Variants in RIT2 observed in about 807,000 individuals in gnomAD.
RIT2 encodes the protein Ras like without CAAX 2.
A neutral mutation model predicts 23.7 loss-of-function variants in RIT2; 24 were observed. The ratio of observed to expected loss-of-function variants is 1.01; its 90% CI spans 0.73 to 1.43. The LOEUF (loss-of-function observed/expected upper bound fraction) is 1.43, where lower values mean the gene tolerates loss of function less well. Among genes scored for constraint, RIT2 ranks in the 40% most tolerant of loss-of-function variants. The pLI is 0.00. For synonymous variants in RIT2, 107 were observed against 91.1 expected, an observed-to-expected ratio of 1.17 and a Z score of -0.99; for missense variants, 236 against 266.9, an observed-to-expected ratio of 0.88 and a Z score of 0.81.
At chr18:43,000,043 C>T (rs999090909) in intron 2 of RIT2, among the ~76,000 whole-genome samples, 1 of 152,012 alleles carries the variant, frequency 6.6e-6, no homozygotes, top group Non-Finnish European at 1.5e-5. Flanking sequence ...CAGTTTGAAC[C>T]ATCACCACAC....
intron 4 of RIT2, among the ~76,000 whole-genome samples, chr18:42,872,379 C>T (rs181945865): frequency 4.3e-4 from 65 of 152,310 alleles, no homozygotes; most frequent in African/African-American, 1.5e-3. Context: ...CAGATTCAGA[C>T]ACCACCTCAT....
Position 42,939,725 on chromosome 18 carries a change from C to T in RIT2, c.235-15962G>A, listed in dbSNP as rs199834134. On this transcript the variant is annotated intron_variant, in intron 3 of 4. Coordinates refer to ENST00000326695, the MANE Select transcript of RIT2 (RefSeq NM_002930.4). ...GTAACATTAGTATTTATATCTAAAA[C>T]CTGGACTGCAAGCCTGATTACAAAC... Among the ~76,000 whole-genome samples the T allele has an allele frequency of 9.9e-5, 15 of 152,010 alleles. No individual in the cohort carries two copies. In the East Asian group the frequency reaches 2.1e-3, roughly 22 times the overall value.
intron 4 of RIT2, among the ~76,000 whole-genome samples, chr18:42,872,595 C>A (rs1907647594): frequency 6.6e-6 from 1 of 152,222 alleles, no homozygotes; most frequent in Non-Finnish European, 1.5e-5. Context: ...AATAAATACA[C>A]AACAGTTCTG....
intron 4 of RIT2, among the ~76,000 whole-genome samples, chr18:42,916,383 CTG>C (rs1908910641): frequency 6.6e-6 from 1 of 152,208 alleles, no homozygotes; most frequent in African/African-American, 2.4e-5. Context: ...AGCTCATAAA[CTG>C]TGCAAAAAGG....
chr18:42,743,852 G>C (rs113880584), intron 4 of RIT2, 132 bp from the exon 5 acceptor site: 8 of 652,474 alleles, frequency 1.2e-5, no homozygotes, highest in African/African-American at 1.8e-5. Context: ...GTGACTTGCA[G>C]GTATACGCCC....
At chr18:43,076,878 C>T (rs996813722) in intron 1 of RIT2, among the ~76,000 whole-genome samples, 8 of 151,694 alleles carry the variant, frequency 5.3e-5, no homozygotes, top group Non-Finnish European at 1.2e-4. Context: ...CCGAGGCGGG[C>T]GGATCACGAG....
chr18:42,760,152 T>C (rs1913268468), intron 4 of RIT2, among the ~76,000 whole-genome samples: 2 of 152,162 alleles, frequency 1.3e-5, no homozygotes, highest in African/African-American at 4.8e-5. Context: ...TCCCCTTGGA[T>C]TGTGGGGATA....
intron 4 of RIT2, among the ~76,000 whole-genome samples, chr18:42,805,981 C>T (rs1453828145): frequency 6.6e-6 from 1 of 151,806 alleles, no homozygotes; most frequent in Non-Finnish European, 1.5e-5. Context: ...CATTTAACGA[C>T]ACAAGTACTT....
chr18:42,841,697 T>C (rs1906772573), intron 4 of RIT2, among the ~76,000 whole-genome samples: 1 of 152,220 alleles, frequency 6.6e-6, no homozygotes, highest in Non-Finnish European at 1.5e-5. Context: ...AGTTTATTAA[T>C]TTAGGTTGTG....
intron 4 of RIT2, among the ~76,000 whole-genome samples, chr18:42,829,745 G>T (rs1906403115): frequency 6.6e-6 from 1 of 152,112 alleles, no homozygotes; most frequent in African/African-American, 2.4e-5. Flanking sequence ...TGTGAGGTTA[G>T]GAGATGTGGA....
rs537494083 is a variant in RIT2 at position 43,052,680 on chromosome 18, C to G, written c.104-18813G>C. Among the ~76,000 whole-genome samples the G allele has an allele frequency of 1.6e-3, 242 of 152,174 alleles. 1 individual carries two copies. The highest frequency in any genetic ancestry group is 5.5e-3 in the African/African-American group (228 of 41,554). On this transcript the variant is annotated intron_variant, in intron 1 of 4. Transcript: ENST00000326695. ...TCTTATCTACTCATCTCTTTCTTCT[C>G]TATTTAAACTCATAACATTTAGCTC...
chr18:42,840,971 G>A (rs980799583), intron 4 of RIT2, among the ~76,000 whole-genome samples: 1 of 152,144 alleles, frequency 6.6e-6, no homozygotes, highest in African/African-American at 2.4e-5. Context: ...AGTTAGGACT[G>A]GCATTTCCAC....
chr18:42,864,787 T>C (rs912133554), intron 4 of RIT2, among the ~76,000 whole-genome samples: 1 of 152,168 alleles, frequency 6.6e-6, no homozygotes, highest in Non-Finnish European at 1.5e-5. Flanking sequence ...TTTTCAGTCC[T>C]CCACTAAGCC....
chr18:42,961,545 A>G (rs943541228), intron 3 of RIT2, among the ~76,000 whole-genome samples: 7 of 152,208 alleles, frequency 4.6e-5, no homozygotes, highest in Non-Finnish European at 8.8e-5. Context: ...TCTGAACTAG[A>G]GTGTAAAATC....
intron 4 of RIT2, among the ~76,000 whole-genome samples, chr18:42,858,955 A>G (rs559293647): frequency 1.6e-4 from 24 of 152,316 alleles, no homozygotes; most frequent in African/African-American, 5.3e-4. Flanking sequence ...TATTTCATCA[A>G]TTGATGGCAT....
chr18:42,831,777 C>A (rs965250264), intron 4 of RIT2, among the ~76,000 whole-genome samples: 1 of 152,156 alleles, frequency 6.6e-6, no homozygotes, highest in Non-Finnish European at 1.5e-5. Context: ...AGTAAGATGA[C>A]TATTGTCTCT....
At chr18:42,808,815 A>G (rs1230049764) in intron 4 of RIT2, among the ~76,000 whole-genome samples, 1 of 152,180 alleles carries the variant, frequency 6.6e-6, no homozygotes, top group African/African-American at 2.4e-5. Context: ...TTAGCTCTAA[A>G]AACAGCCAGA....
At chr18:42,870,712 T>C (rs1352533648) in intron 4 of RIT2, among the ~76,000 whole-genome samples, 1 of 152,134 alleles carries the variant, frequency 6.6e-6, no homozygotes, top group Non-Finnish European at 1.5e-5. Context: ...TGTCACTGTA[T>C]TTCATGTGAA....
Position 42,932,805 on chromosome 18 carries a change from G to A in RIT2, c.235-9042C>T, listed in dbSNP as rs553937110. 2.8e-4 allele frequency among the ~76,000 whole-genome samples: 43 copies of A among 151,842 alleles called. No homozygotes were observed. In the South Asian group the frequency reaches 7.3e-3, roughly 26 times the overall value. ...CATGGGTAGCTTTCCTTCCTTTGCC[G>A]TGATCTGAATCCTGTGCATGCTTCT... is the stretch of plus-strand genomic sequence containing the variant. On this transcript the variant is annotated intron_variant, in intron 3 of 4. Transcript: ENST00000326695.
Sources: gnomAD v4.1 joint callset for allele counts (sites outside exome capture counted in the v4.1 genomes callset) on GRCh38, gnomAD v4.1.1 for gene constraint, MANE v1.5 for transcripts, NCBI Gene and HGNC (gene_info 2026-07-23, HGNC 2026-07-21) for gene names.